Variants in GALNT9 observed in about 807,000 individuals in gnomAD.
GALNT9 encodes the protein polypeptide N-acetylgalactosaminyltransferase 9.
In GALNT9, 47 loss-of-function variants were observed where a neutral mutation model predicts 63.1. The ratio of observed to expected loss-of-function variants is 0.75; its 90% CI spans 0.59 to 0.95. The LOEUF is 0.95. Among genes scored for constraint, GALNT9 ranks in the 40% least tolerant of loss-of-function variants. GALNT9 has a pLI of 0.00. For synonymous variants in GALNT9, 396 were observed against 365.7 expected, an observed-to-expected ratio of 1.08 and a Z score of -0.94; for missense variants, 829 against 874.8, an observed-to-expected ratio of 0.95 and a Z score of 0.66.
At chr12:132,200,282 T>C (rs1463770438) in intron 8 of GALNT9, among the ~76,000 whole-genome samples, 5 of 152,066 alleles carry the variant, frequency 3.3e-5, no homozygotes, top group African/African-American at 1.2e-4. Context: ...AGGCACCCCA[T>C]CCCCTGCACA....
chr12:132,294,062 T>C (rs1880960357), intron 1 of GALNT9, among the ~76,000 whole-genome samples: 1 of 152,244 alleles, frequency 6.6e-6, no homozygotes, highest in South Asian at 2.1e-4. Context: ...TAGGAACATT[T>C]GCAAACACAG....
chr12:132,251,322 G>A (rs143070140), intron 5 of GALNT9, among the ~76,000 whole-genome samples: 219 of 152,354 alleles, frequency 1.4e-3, no homozygotes, highest in African/African-American at 4.5e-3. Flanking sequence ...GTACGTTAAG[G>A]ATGAAAAGCA....
At chr12:132,294,582 A>G (rs1260037085) in intron 1 of GALNT9, among the ~76,000 whole-genome samples, 4 of 152,238 alleles carry the variant, frequency 2.6e-5, no homozygotes, top group South Asian at 2.1e-4. Flanking sequence ...TCAGGGTGCC[A>G]GCGGTCATGT....
At position 132,286,278 on chromosome 12, in the gene GALNT9, G is replaced by A. The variant is rs912352111; in HGVS notation, c.391C>T (p.Arg131Trp). ...AQLSDRISLD[R>W]SIPDYRPRKC... The stretch of plus-strand genomic sequence containing the variant: ...CTGGGCCGGTAGTCGGGGATGCTCC[G>A]ATCGAGGGAGATGCGGTCGCTGAGC... Residue 131 changes from arginine (R) to tryptophan (W), a missense_variant, in exon 2 of 11, where the codon CGG (arginine) becomes TGG (tryptophan). Physicochemically the swap from Arg to Trp is moderately radical, Grantham distance 101 (BLOSUM62 -3). Coordinates refer to ENST00000328957, the MANE Select transcript of GALNT9 (RefSeq NM_001122636.2). The surrounding 1 kb of genome is among the most constrained non-coding windows in gnomAD (Gnocchi z 7.4). 1.3e-5 allele frequency: 20 copies of A among 1,551,180 alleles called. No individual in the cohort carries two copies. Among genetic ancestry groups the A allele is most frequent in the East Asian group, 2.4e-5 (1 of 40,918 alleles).
rs182147585 is a variant in GALNT9 at position 132,219,371 on chromosome 12, G to C, written c.1078-15681C>G. Among the ~76,000 whole-genome samples, 6 of 152,338 alleles carry C rather than the reference G, an allele frequency of 3.9e-5. No homozygotes were observed. The East Asian group carries it at 1.2e-3, about 29-fold the overall frequency. On this transcript the variant is annotated intron_variant, in intron 6 of 10. Coordinates refer to ENST00000328957, the MANE Select transcript of GALNT9 (RefSeq NM_001122636.2). ...GTTTTAAAAGTTAAAAGTAACATTA[G>C]GAAACAAGGTGAAATTCTCCATAGC...
intron 6 of GALNT9, among the ~76,000 whole-genome samples, chr12:132,241,527 A>AC (rs1878353166): frequency 1.7e-5 from 1 of 59,938 alleles, no homozygotes; most frequent in African/African-American, 5.5e-5. Flanking sequence ...CACACGCCAC[A>AC]CCCCCTTCCC....
intron 8 of GALNT9, 71 bp downstream of exon 8, chr12:132,201,053 A>C: frequency 7.1e-7 from 1 of 1,407,316 alleles, no homozygotes; most frequent in South Asian, 1.3e-5. Flanking sequence ...CATCACCCTG[A>C]ATGCATACGT....
chr12:132,320,746 C>G (rs568212834), intron 1 of GALNT9, among the ~76,000 whole-genome samples: 1 of 141,372 alleles, frequency 7.1e-6, no homozygotes, highest in African/African-American at 2.6e-5. Flanking sequence ...CAGGTGCCCT[C>G]GGGGTTGGAG....
At chr12:132,322,404 C>T (rs1181008570) in intron 1 of GALNT9, among the ~76,000 whole-genome samples, 3 of 152,238 alleles carry the variant, frequency 2.0e-5, no homozygotes, top group Admixed American at 6.5e-5. Context: ...AACGGACATG[C>T]GGCACATGAG....
At chr12:132,200,900 CTGCACCTTGTGTG>C (rs1876017695) in intron 8 of GALNT9, 1 of 555,570 alleles carries the variant, frequency 1.8e-6, no homozygotes, top group Non-Finnish European at 3.2e-6. Context: ...TTATGTGAAC[CTGCACCTTGTGTG>C]TGCACGTGGA....
chr12:132,257,905 G>T lies in GALNT9; in HGVS notation c.762-19C>A. The T allele has an allele frequency of 6.7e-7, 1 of 1,487,250 alleles. No homozygotes were observed. The allele number at this position is 1,487,250 out of a possible 1,614,324, so 92.1% of individuals were successfully genotyped here. On this transcript the variant is annotated intron_variant, in intron 4 of 10. Coordinates refer to ENST00000328957, the MANE Select transcript of GALNT9 (RefSeq NM_001122636.2). ...CTCGGCCCTGCGGAGGCACAGCTGT[G>T]AGGAGGGGCGGCCCCAGCCCACCGC...
intron 6 of GALNT9, among the ~76,000 whole-genome samples, chr12:132,228,273 G>T: frequency 6.6e-6 from 1 of 151,438 alleles, no homozygotes; most frequent in Non-Finnish European, 1.5e-5. Context: ...TCCCTCCCCG[G>T]CGTCCCTCCC....
intron 1 of GALNT9, among the ~76,000 whole-genome samples, 190 bp downstream of exon 1, chr12:132,328,776 C>CG (rs1280819560): frequency 1.3e-4 from 20 of 152,324 alleles, no homozygotes; most frequent in Admixed American, 3.3e-4. Context: ...GTGCCCGGTG[C>CG]GGGGGGAACC....
Position 132,286,079 on chromosome 12 carries a change from G to A in GALNT9, c.419+171C>T, listed in dbSNP as rs912287368. On this transcript the variant is annotated intron_variant, in intron 2 of 10. Transcript: ENST00000328957. The surrounding 1 kb of genome is among the most constrained non-coding windows in gnomAD (Gnocchi z 7.4). Reference sequence around the variant, plus strand: ...GGGAGCGCTCACTTTCCCGGCCAGCGTGGGGGGCGGTCACTTCCCCGGCGG... The same window carrying A: ...GGGAGCGCTCACTTTCCCGGCCAGCATGGGGGGCGGTCACTTCCCCGGCGG... Among the ~76,000 whole-genome samples, 6 of 149,958 alleles carry A rather than the reference G, an allele frequency of 4.0e-5. No homozygotes were observed. The highest frequency in any genetic ancestry group is 9.0e-5 in the Non-Finnish European group (6 of 66,534).
At chr12:132,240,705 A>G (rs1199324830) in intron 6 of GALNT9, 3 of 455,814 alleles carry the variant, frequency 6.6e-6, no homozygotes, top group Non-Finnish European at 8.8e-6. Flanking sequence ...AATTTACCTT[A>G]TCTTGCTGGA....
chr12:132,222,848 CCA>C (rs1419534822), intron 6 of GALNT9, among the ~76,000 whole-genome samples: 4 of 150,134 alleles, frequency 2.7e-5, no homozygotes, highest in Admixed American at 1.3e-4. Flanking sequence ...AACCCGCACA[CCA>C]CACACACAGA....
rs1880380313 is a variant in GALNT9, at chr12:132,282,190, C to A, written c.419+4060G>T. Among the ~76,000 whole-genome samples, 1 of 148,386 alleles carries A rather than the reference C, an allele frequency of 6.7e-6. No homozygotes were observed. The highest frequency in any genetic ancestry group is 3.5e-3 in the Middle Eastern group (1 of 288). ...CTACAGCAAGCCCAGGCCTGGGGGT[C>A]CCTGATCCCACAGAAGAGGAATCAG... On this transcript the variant is annotated intron_variant, in intron 2 of 10. Coordinates refer to ENST00000328957, the MANE Select transcript of GALNT9 (RefSeq NM_001122636.2). The surrounding 1 kb of genome is among the most constrained non-coding windows in gnomAD (Gnocchi z 4.5).
At chr12:132,268,184 TACTC>T (rs1879726264) in intron 2 of GALNT9, among the ~76,000 whole-genome samples, 1 of 143,172 alleles carries the variant, frequency 7.0e-6, no homozygotes. Flanking sequence ...CCCATACATG[TACTC>T]ACACACATGC....
chr12:132,233,191 C>T (rs1423103024), intron 6 of GALNT9, among the ~76,000 whole-genome samples: 15 of 34,338 alleles, frequency 4.4e-4, no homozygotes, highest in Admixed American at 1.0e-3. Context: ...CTCGATGGGG[C>T]GACAGAGGAG....
Sources: allele counts gnomAD v4.1 joint callset (sites outside exome capture counted in the v4.1 genomes callset), GRCh38; gene constraint gnomAD v4.1.1; non-coding constraint Gnocchi (gnomAD v3.1); transcripts MANE v1.5; gene names NCBI Gene and HGNC (gene_info 2026-07-23, HGNC 2026-07-21).